Variants in GNPTAB observed in about 807,000 individuals in gnomAD.
The protein encoded by GNPTAB is N-acetylglucosamine-1-phosphate transferase subunits alpha and beta, also known as N-acetylglucosamine-1-phosphotransferase subunits alpha/beta.
Under a neutral mutation model 136.6 loss-of-function variants are expected in GNPTAB, and 92 were observed. That is an observed-to-expected ratio of 0.67 (90% CI 0.57 to 0.80). GNPTAB has a LOEUF of 0.80. Among genes scored for constraint, GNPTAB ranks in the 30% least tolerant of loss-of-function variants. GNPTAB has a pLI of 0.00. For missense variants in GNPTAB, 1,343 were observed against 1,501.8 expected (o/e 0.89, Z 1.75); for synonymous variants, 512 against 535.1 (o/e 0.96, Z 0.60).
At chr12:101,778,504 A>T (rs1032021927) in intron 7 of GNPTAB, 2 of 152,254 alleles carry the variant, frequency 1.3e-5, no homozygotes, top group Non-Finnish European at 2.9e-5. Context: ...AGTACTAAAA[A>T]TAACTCAGAG....
At position 101,830,004 on chromosome 12, in the gene GNPTAB, CAAAAAAAAA is replaced by C. The variant is rs35884808; in HGVS notation, c.117+546_117+554del. 5.7e-5 allele frequency among the ~76,000 whole-genome samples: 6 copies of C among 106,166 alleles called. 1 individual carries two copies. The highest frequency in any genetic ancestry group is 1.6e-4 in the African/African-American group (5 of 31,046). The allele number at this position is 106,166 out of a possible 152,430, so 69.6% of individuals were successfully genotyped here. The stretch of plus-strand genomic sequence containing the variant: ...TTTAAAACCTTTTGTAACCTCCTAC[CAAAAAAAAA>C]AAAAAAAAAGAAAAAGAAAAAAACT... On this transcript the variant is annotated intron_variant, in intron 1 of 20. Coordinates refer to ENST00000299314, the MANE Select transcript of GNPTAB (RefSeq NM_024312.5).
chr12:101,789,774 A>T (rs1003537514), intron 3 of GNPTAB, among the ~76,000 whole-genome samples, 164 bp downstream of exon 3: 2 of 152,150 alleles, frequency 1.3e-5, no homozygotes, highest in East Asian at 3.9e-4. Flanking sequence ...GTGAGCCACC[A>T]TGCCTGGCCT....
At chr12:101,799,075 A>G (rs1254903798) in intron 1 of GNPTAB, among the ~76,000 whole-genome samples, 1 of 152,228 alleles carries the variant, frequency 6.6e-6, no homozygotes, top group Non-Finnish European at 1.5e-5. Context: ...ATGAAAAATT[A>G]TGAAGCTGTC....
intron 5 of GNPTAB, among the ~76,000 whole-genome samples, chr12:101,784,060 G>A (rs1868493294): frequency 1.3e-5 from 2 of 152,124 alleles, no homozygotes; most frequent in Non-Finnish European, 1.5e-5. Flanking sequence ...AGCGAGCACT[G>A]TTAGACACTG....
intron 1 of GNPTAB, among the ~76,000 whole-genome samples, chr12:101,801,007 G>A (rs188484028): frequency 6.6e-6 from 1 of 152,012 alleles, no homozygotes; most frequent in African/African-American, 2.4e-5. Flanking sequence ...GCTGAGGTGG[G>A]AGAATCACTT....
chr12:101,811,383 CTTTTT>C, intron 1 of GNPTAB, among the ~76,000 whole-genome samples: 1 of 142,576 alleles, frequency 7.0e-6, no homozygotes, highest in East Asian at 2.0e-4. Context: ...ATAATTTTTT[CTTTTT>C]TTTTTTTTCT....
At position 101,788,556 on chromosome 12, in the gene GNPTAB, A is replaced by G. The variant is rs754782529; in HGVS notation, c.357T>C (p.Thr119=). The G allele has an allele frequency of 1.9e-6, 3 of 1,561,364 alleles. No individual in the cohort carries two copies. Among genetic ancestry groups the G allele is most frequent in the African/African-American group, 2.7e-5 (2 of 74,068 alleles). Residue 119 remains threonine, a synonymous_variant, in exon 4 of 21, where the codon ACT becomes ACC. Coordinates refer to ENST00000299314, the MANE Select transcript of GNPTAB (RefSeq NM_024312.5). The part of the protein sequence containing the change: ...EILGKNTTEP[T]KKSEKQLECL... Reference sequence around the variant, plus strand: ...GAAATCAAAATGCTTACCTCTTCTTAGTAGGTTCCGTTGTGTTTTTCCCAA... The same window carrying G: ...GAAATCAAAATGCTTACCTCTTCTTGGTAGGTTCCGTTGTGTTTTTCCCAA...
At chr12:101,816,060 G>C (rs1011430976) in intron 1 of GNPTAB, among the ~76,000 whole-genome samples, 4 of 152,144 alleles carry the variant, frequency 2.6e-5, no homozygotes, top group African/African-American at 9.7e-5. Flanking sequence ...ATGGATTAAA[G>C]ACTTAAATCT....
At chr12:101,767,192 TACTC>T (rs768661780) in intron 11 of GNPTAB, among the ~76,000 whole-genome samples, 42 of 152,278 alleles carry the variant, frequency 2.8e-4, no homozygotes, top group Middle Eastern at 3.4e-3. Context: ...TGTACATACT[TACTC>T]TCTCTCTCTC....
Position 101,749,178 on chromosome 12 carries a change from C to A in GNPTAB, c.3616G>T (p.Asp1206Tyr). Residue 1206 changes from aspartate (D) to tyrosine (Y), a missense_variant, in exon 20 of 21, where the codon GAC (aspartate) becomes TAC (tyrosine). Asp to Tyr is a radical substitution (Grantham distance 160, BLOSUM62 -3). Coordinates refer to ENST00000299314, the MANE Select transcript of GNPTAB (RefSeq NM_024312.5). Reference sequence around the variant, plus strand: ...CAATGGGTCCAAAACTTCAATTTGTCTCGATAAGCCCTCCTGTGCAGAGAG... The same window carrying A: ...CAATGGGTCCAAAACTTCAATTTGTATCGATAAGCCCTCCTGTGCAGAGAG... The part of the protein sequence containing the change: ...HELQEWRAYR[D>Y]KLKFWTHCVL... 1 of 1,605,932 alleles carries A rather than the reference C, an allele frequency of 6.2e-7. No individual in the cohort carries two copies. The highest frequency in any genetic ancestry group is 1.1e-5 in the South Asian group (1 of 90,922).
In GNPTAB at chr12:101,757,602, T is replaced by G; in HGVS notation, c.3305A>C (p.His1102Pro). ...TNCKPVTDKIHKAYKDKNKYR... is the reference protein window; with the variant it reads ...TNCKPVTDKIPKAYKDKNKYR... ...TTTGTTTTTGTCCTTATATGCTTTG[T>G]GGATTTTGTCAGTTACTGGTTTACA... The change falls in exon 17 of 21, where the codon CAC becomes CCC. Residue 1102 changes from histidine to proline, a missense_variant. His to Pro is a moderately conservative substitution (Grantham distance 77). Coordinates refer to ENST00000299314, the MANE Select transcript of GNPTAB (RefSeq NM_024312.5). 1 of 1,581,680 alleles carries G rather than the reference T, an allele frequency of 6.3e-7. No individual in the cohort carries two copies. Among genetic ancestry groups the G allele is most frequent in the Non-Finnish European group, 8.7e-7 (1 of 1,150,740 alleles).
intron 1 of GNPTAB, among the ~76,000 whole-genome samples, chr12:101,811,219 T>C (rs1483982855): frequency 1.3e-5 from 2 of 152,184 alleles, no homozygotes; most frequent in Non-Finnish European, 2.9e-5. Flanking sequence ...GACGAAATAG[T>C]AACATCTTAG....
At position 101,745,586 on chromosome 12, in the gene GNPTAB, C is replaced by T. The variant is rs1952721140; in HGVS notation, c.*1578G>A. The T allele has an allele frequency of 6.6e-6, 1 of 152,196 alleles. No homozygotes were observed. The highest frequency in any genetic ancestry group is 1.5e-5 in the Non-Finnish European group (1 of 68,038). 9.4% of individuals were successfully genotyped at this position (152,196 alleles called of 1,614,324 possible). A position where few individuals can be genotyped will look rare whatever the true frequency, so the allele number is the denominator to read the frequency against. ...AAACACAGTATTTACATTTCAAGTT[C>T]TTTGTACAAAAGATGTATGCCATTT... On this transcript the variant is annotated 3_prime_UTR_variant, in exon 21 of 21. Coordinates refer to ENST00000299314, the MANE Select transcript of GNPTAB (RefSeq NM_024312.5).
intron 1 of GNPTAB, among the ~76,000 whole-genome samples, chr12:101,804,466 G>A (rs1174864381): frequency 6.6e-6 from 1 of 152,138 alleles, no homozygotes; most frequent in African/African-American, 2.4e-5. Flanking sequence ...GAATTCTACA[G>A]GAAGAACTTT....
rs886048842 is a variant in GNPTAB at position 101,746,071 on chromosome 12, G to C, written c.*1093C>G. ...CAACAACAACAAAAACTAATTCTCA[G>C]TGATTGGCAAATGATGGCCTGAGGG... is the stretch of plus-strand genomic sequence containing the variant. On this transcript the variant is annotated 3_prime_UTR_variant, in exon 21 of 21. Transcript: ENST00000299314. 2 of 152,216 alleles carry C rather than the reference G, an allele frequency of 1.3e-5. No individual in the cohort carries two copies. The highest frequency in any genetic ancestry group is 2.9e-5 in the Non-Finnish European group (2 of 68,094). 9.4% of individuals were successfully genotyped at this position (152,216 alleles called of 1,614,324 possible). A position where few individuals can be genotyped will look rare whatever the true frequency, so the allele number is the denominator to read the frequency against.
chr12:101,805,302 CCTAAAAATATTTTTA>C (rs1265515930), intron 1 of GNPTAB, among the ~76,000 whole-genome samples: 1 of 152,110 alleles, frequency 6.6e-6, no homozygotes, highest in Non-Finnish European at 1.5e-5. Context: ...CACACTGTTA[CCTAAAAATATTTTTA>C]AAATACACCA....
chr12:101,768,061 C>A lies in GNPTAB; in HGVS notation c.1384G>T (p.Asp462Tyr). The change falls in exon 11 of 21, where the codon GAT becomes TAT. Residue 462 changes from aspartate to tyrosine, a missense_variant. Coordinates refer to ENST00000299314, the MANE Select transcript of GNPTAB (RefSeq NM_024312.5). ...CDKACNNSAC[D>Y]WDGGDCSGNS... Reference sequence around the variant, plus strand: ...CCAGAGCAATCCCCACCATCCCAATCGCAGGCTGAATTATTACAAGCCTTG... The same window carrying A: ...CCAGAGCAATCCCCACCATCCCAATAGCAGGCTGAATTATTACAAGCCTTG... 1 of 1,614,186 alleles carries A rather than the reference C, an allele frequency of 6.2e-7. No homozygotes were observed. Among genetic ancestry groups the A allele is most frequent in the Middle Eastern group, 1.6e-4 (1 of 6,062 alleles).
chr12:101,750,354 C>G (rs1952798321), intron 19 of GNPTAB, among the ~76,000 whole-genome samples: 1 of 152,166 alleles, frequency 6.6e-6, no homozygotes, highest in African/African-American at 2.4e-5. Context: ...ACAGCTCTTC[C>G]CCCTGTATTT....
Position 101,770,064 on chromosome 12 carries a change from T to A in GNPTAB, c.1241A>T (p.Asp414Val), listed in dbSNP as rs775250389. ...YLNDDVMFGK[D>V]VWPDDFYSHS... Reference sequence around the variant, plus strand: ...ACTGTAAAAATCATCTGGCCAGACATCCTTCCCAAACATGACATCATCATT... The same window carrying A: ...ACTGTAAAAATCATCTGGCCAGACAACCTTCCCAAACATGACATCATCATT... Residue 414 changes from aspartate to valine, a missense_variant, in exon 10 of 21, where the codon GAT becomes GTT. By Grantham distance (152) the Asp-to-Val change is radical. Coordinates refer to ENST00000299314, the MANE Select transcript of GNPTAB (RefSeq NM_024312.5). 2 of 1,614,074 alleles carry A rather than the reference T, an allele frequency of 1.2e-6. No homozygotes were observed. The highest frequency in any genetic ancestry group is 1.7e-5 in the Admixed American group (1 of 59,998).
Sources: allele counts gnomAD v4.1 joint callset (sites outside exome capture counted in the v4.1 genomes callset), GRCh38; gene constraint gnomAD v4.1.1; transcripts MANE v1.5; gene names NCBI Gene and HGNC (gene_info 2026-07-23, HGNC 2026-07-21).